The following ENOX1 variants were observed in gnomAD, a reference collection of about 807,000 sequenced individuals.
The protein encoded by ENOX1 is candidate growth-related and time keeping constitutive hydroquinone (NADH) oxidase.
ENOX1 carries 42 observed loss-of-function variants against 82.5 expected under a neutral mutation model. The observed-to-expected ratio is 0.51, with a 90% CI of 0.40 to 0.66. The LOEUF is 0.66. Ranked by LOEUF, ENOX1 falls within the 30% of genes least tolerant of loss-of-function variation. ENOX1 has a pLI of 0.00. For missense variants in ENOX1, 608 were observed against 811.6 expected, an observed-to-expected ratio of 0.75 and a Z score of 3.05; for synonymous variants, 271 against 282.2, an observed-to-expected ratio of 0.96 and a Z score of 0.40.
chr13:43,289,414 A>T (rs2045878065), intron 12 of ENOX1, among the ~76,000 whole-genome samples: 1 of 152,132 alleles, frequency 6.6e-6, no homozygotes, highest in Non-Finnish European at 1.5e-5. Flanking sequence ...AGAAACAAAG[A>T]TACACACTTA....
At chr13:43,376,185 G>T (rs928105748) in intron 5 of ENOX1, among the ~76,000 whole-genome samples, 7 of 152,186 alleles carry the variant, frequency 4.6e-5, no homozygotes, top group Non-Finnish European at 1.0e-4. Flanking sequence ...TCAGTCAAAA[G>T]AATTTGAAAA....
chr13:43,331,711 T>A (rs75963510), intron 9 of ENOX1, among the ~76,000 whole-genome samples: 2,314 of 152,268 alleles, frequency 0.015, 70 homozygotes, highest in African/African-American at 0.053. Flanking sequence ...GGCTTTAGAC[T>A]GAAGAATTAT....
intron 1 of ENOX1, among the ~76,000 whole-genome samples, chr13:43,689,426 T>A (rs888119102): frequency 6.6e-6 from 1 of 152,188 alleles, no homozygotes; most frequent in African/African-American, 2.4e-5. Context: ...ACTTAATCAA[T>A]GTATGTAGAA....
chr13:43,532,870 AAT>A (rs1467532020), intron 2 of ENOX1, among the ~76,000 whole-genome samples: 1 of 150,784 alleles, frequency 6.6e-6, no homozygotes, highest in Non-Finnish European at 1.5e-5. Flanking sequence ...TAAATGTGTA[AAT>A]ATATATACAA....
At position 43,570,860 on chromosome 13, in the gene ENOX1, T is replaced by C. The variant is rs543033821; in HGVS notation, c.-218-86708A>G. ...TTCTACTGTTTGCACGACAACATTT[T>C]ACATATTGTATATTTTAGGCAAGAT... is the stretch of plus-strand genomic sequence containing the variant. On this transcript the variant is annotated intron_variant, in intron 2 of 16. Coordinates refer to ENST00000690772, the MANE Select transcript of ENOX1 (RefSeq NM_001347969.2). Among the ~76,000 whole-genome samples, 29 of 152,214 alleles carry C rather than the reference T, an allele frequency of 1.9e-4. 1 individual carries two copies. Among genetic ancestry groups the C allele is most frequent in the Non-Finnish European group, 3.5e-4 (24 of 68,038 alleles).
chr13:43,404,193 C>A (rs1414095693), intron 5 of ENOX1, among the ~76,000 whole-genome samples: 1 of 152,188 alleles, frequency 6.6e-6, no homozygotes, highest in Admixed American at 6.5e-5. Flanking sequence ...TCACTTATCT[C>A]CTTAAAACTT....
chr13:43,261,716 AT>A (rs2153476468), intron 14 of ENOX1, among the ~76,000 whole-genome samples: 1 of 150,334 alleles, frequency 6.7e-6, no homozygotes, highest in South Asian at 2.1e-4. Flanking sequence ...GGAAATCATC[AT>A]TCTCAGTAAA....
chr13:43,664,789 G>A (rs2084900255), intron 2 of ENOX1, among the ~76,000 whole-genome samples: 1 of 152,148 alleles, frequency 6.6e-6, no homozygotes, highest in Non-Finnish European at 1.5e-5. Flanking sequence ...AACTCTGCCT[G>A]CATGCATCAC....
At chr13:43,692,524 A>G (rs2086420727) in intron 1 of ENOX1, among the ~76,000 whole-genome samples, 1 of 152,192 alleles carries the variant, frequency 6.6e-6, no homozygotes, top group African/African-American at 2.4e-5. Context: ...TATTTAGCAC[A>G]TTGCCTGACA....
chr13:43,637,166 T>G (rs73479903), intron 2 of ENOX1, among the ~76,000 whole-genome samples: 1 of 152,188 alleles, frequency 6.6e-6, no homozygotes, highest in Admixed American at 6.5e-5. Context: ...AGTGCTGCTA[T>G]GAAAAGCCCA....
chr13:43,284,922 A>G (rs1413281893), intron 12 of ENOX1, among the ~76,000 whole-genome samples: 1 of 152,098 alleles, frequency 6.6e-6, no homozygotes, highest in African/African-American at 2.4e-5. Context: ...AAGAGGAGAT[A>G]GAAATATGTA....
intron 3 of ENOX1, among the ~76,000 whole-genome samples, chr13:43,468,396 T>A (rs2057835159): frequency 6.6e-6 from 1 of 151,968 alleles, no homozygotes; most frequent in Non-Finnish European, 1.5e-5. Context: ...CTGGCCAGCA[T>A]GGTCTCGACC....
At chr13:43,595,902 A>G (rs1384420825) in intron 2 of ENOX1, among the ~76,000 whole-genome samples, 2 of 152,012 alleles carry the variant, frequency 1.3e-5, no homozygotes, top group African/African-American at 4.8e-5. Context: ...ACTTACACAG[A>G]CCATTTTAAA....
rs781616085 is a variant in ENOX1, at chr13:43,353,447, G to A, written c.823+2472C>T. Among the ~76,000 whole-genome samples the A allele has an allele frequency of 2.0e-4, 30 of 152,232 alleles. No individual in the cohort carries two copies. In the Middle Eastern group the frequency reaches 0.014, roughly 69 times the overall value. ...GAGGAAAAAAATCAAATCCAATTAG[G>A]TATTTTCAGATTGCATTTCCATTTC... On this transcript the variant is annotated intron_variant, in intron 8 of 16. Transcript: ENST00000690772.
At chr13:43,577,876 T>C (rs776025789) in intron 2 of ENOX1, among the ~76,000 whole-genome samples, 2 of 152,320 alleles carry the variant, frequency 1.3e-5, no homozygotes, top group Non-Finnish European at 2.9e-5. Context: ...CCTATCCTGA[T>C]TGACAGTTCT....
chr13:43,291,175 G>T (rs999344221), intron 12 of ENOX1, among the ~76,000 whole-genome samples: 1 of 152,036 alleles, frequency 6.6e-6, no homozygotes, highest in Admixed American at 6.6e-5. Context: ...CTTTGAAAGC[G>T]GTTTTTAACT....
intron 9 of ENOX1, among the ~76,000 whole-genome samples, chr13:43,339,684 C>T (rs1356936091): frequency 2.6e-5 from 4 of 152,116 alleles, no homozygotes; most frequent in Admixed American, 2.0e-4. Context: ...GGAGATCTTT[C>T]GGCACTGACA....
At chr13:43,779,685 GACA>G (rs1952139260) in intron 1 of ENOX1, among the ~76,000 whole-genome samples, 1 of 152,170 alleles carries the variant, frequency 6.6e-6, no homozygotes, top group Non-Finnish European at 1.5e-5. Context: ...GAAAAACACT[GACA>G]ACATTATTAA....
intron 2 of ENOX1, among the ~76,000 whole-genome samples, chr13:43,507,875 CA>C (rs2077227497): frequency 6.6e-6 from 1 of 151,932 alleles, no homozygotes; most frequent in African/African-American, 2.4e-5. Flanking sequence ...AAAACAAATA[CA>C]ATCATAGTAT....
Sources: gnomAD v4.1 joint callset for allele counts (sites outside exome capture counted in the v4.1 genomes callset) on GRCh38, gnomAD v4.1.1 for gene constraint, MANE v1.5 for transcripts, NCBI Gene and HGNC (gene_info 2026-07-23, HGNC 2026-07-21) for gene names.